The following BPNT2 variants were observed in gnomAD, a reference collection of about 807,000 sequenced individuals.
BPNT2 encodes the protein 3'(2'), 5'-bisphosphate nucleotidase 2.
Under a neutral mutation model 29.3 loss-of-function variants are expected in BPNT2, and 11 were observed. The observed-to-expected ratio is 0.38, with a 90% CI of 0.24 to 0.62. BPNT2 has a LOEUF of 0.62. BPNT2 is among the 20% of genes least tolerant of loss of function. The pLI is 0.62. For synonymous variants in BPNT2, 195 were observed against 187.7 expected (o/e 1.04, Z -0.32); for missense variants, 459 against 473.4 (o/e 0.97, Z 0.28).
intron 1 of BPNT2, among the ~76,000 whole-genome samples, chr8:56,990,829 C>T (rs1320002557): frequency 6.6e-6 from 1 of 152,122 alleles, no homozygotes; most frequent in Non-Finnish European, 1.5e-5. Flanking sequence ...GAGGAGTGAA[C>T]ATTACATACG....
intron 1 of BPNT2, among the ~76,000 whole-genome samples, chr8:56,983,056 G>C (rs1806270298): frequency 6.6e-6 from 1 of 152,160 alleles, no homozygotes. Flanking sequence ...AGACCGATTA[G>C]TGGTTGCCTG....
chr8:56,988,270 C>G (rs1806356760), intron 1 of BPNT2, among the ~76,000 whole-genome samples: 1 of 152,170 alleles, frequency 6.6e-6, no homozygotes, highest in Non-Finnish European at 1.5e-5. Context: ...CCCAATTTCT[C>G]ACAAAACTTG....
At chr8:56,973,146 T>C (rs1806065740) in intron 3 of BPNT2, among the ~76,000 whole-genome samples, 1 of 152,218 alleles carries the variant, frequency 6.6e-6, no homozygotes, top group Non-Finnish European at 1.5e-5. Context: ...AGTCTGAAAG[T>C]ACTTTGCCAG....
At position 56,974,546 on chromosome 8, in the gene BPNT2, G is replaced by A. The variant is rs117347647; in HGVS notation, c.646+3504C>T. On this transcript the variant is annotated intron_variant, in intron 3 of 4. Coordinates refer to ENST00000262644, the MANE Select transcript of BPNT2 (RefSeq NM_017813.5). Reference sequence around the variant, plus strand: ...GGTATTCCTCCAACATCAACATACCGTCTGGATCTGAAAATAACATTCCAG... The same window carrying A: ...GGTATTCCTCCAACATCAACATACCATCTGGATCTGAAAATAACATTCCAG... 9.9e-5 allele frequency among the ~76,000 whole-genome samples: 15 copies of A among 152,180 alleles called. No individual in the cohort carries two copies. The East Asian group carries it at 2.1e-3, about 22-fold the overall frequency.
chr8:56,993,108 A>T (rs1319599273), intron 1 of BPNT2, 91 bp downstream of exon 1: 1 of 1,531,136 alleles, frequency 6.5e-7, no homozygotes, highest in Non-Finnish European at 8.8e-7. Flanking sequence ...TACAAAATGG[A>T]ACCAGAAGCT....
chr8:56,964,271 T>A (rs544424568), intron 4 of BPNT2: 2 of 482,866 alleles, frequency 4.1e-6, no homozygotes, highest in African/African-American at 3.9e-5. Flanking sequence ...CAAAAATACA[T>A]TGCAAAGTAA....
chr8:56,979,647 C>T (rs1158687439), intron 2 of BPNT2, among the ~76,000 whole-genome samples: 1 of 152,040 alleles, frequency 6.6e-6, no homozygotes, highest in African/African-American at 2.4e-5. Flanking sequence ...AAATTAGCTA[C>T]CTGTGGGTAA....
At chr8:56,976,692 T>C (rs1452909422) in intron 3 of BPNT2, among the ~76,000 whole-genome samples, 1 of 152,156 alleles carries the variant, frequency 6.6e-6, no homozygotes, top group Non-Finnish European at 1.5e-5. Context: ...GCAAAACAAA[T>C]ACATAATTTT....
chr8:56,988,928 T>C (rs964465863), intron 1 of BPNT2, among the ~76,000 whole-genome samples: 5 of 152,156 alleles, frequency 3.3e-5, no homozygotes, highest in Non-Finnish European at 5.9e-5. Flanking sequence ...TACATCTATC[T>C]TCTCTACAAC....
chr8:56,987,225 C>T (rs112625600), intron 1 of BPNT2, among the ~76,000 whole-genome samples: 3 of 152,314 alleles, frequency 2.0e-5, no homozygotes, highest in Non-Finnish European at 4.4e-5. Context: ...CCTAACCTCA[C>T]ACAGTGCCTA....
chr8:56,986,194 T>A (rs1806324712), intron 1 of BPNT2, among the ~76,000 whole-genome samples: 1 of 152,124 alleles, frequency 6.6e-6, no homozygotes, highest in East Asian at 1.9e-4. Context: ...TGTGAATCAA[T>A]TTAATTTGAG....
intron 1 of BPNT2, among the ~76,000 whole-genome samples, chr8:56,989,104 A>T (rs1806370789): frequency 6.6e-6 from 1 of 152,172 alleles, no homozygotes; most frequent in Admixed American, 6.5e-5. Context: ...TACATCTGCT[A>T]TACCGCCTTA....
At position 56,960,351 on chromosome 8, in the gene BPNT2, T is replaced by C. The variant is rs1805812099; in HGVS notation, c.*3442A>G. The C allele has an allele frequency of 1.3e-5, 2 of 152,158 alleles. No homozygotes were observed. Among genetic ancestry groups the C allele is most frequent in the Admixed American group, 6.5e-5 (1 of 15,270 alleles). 9.4% of individuals were successfully genotyped at this position (152,158 alleles called of 1,614,324 possible). On this transcript the variant is annotated 3_prime_UTR_variant, in exon 5 of 5. Transcript: ENST00000262644. ...AGATGTCTGCTTTGCATCCTCCCTG[T>C]TACCCTTCTCCTGACCTCCCTCTAG...
intron 1 of BPNT2, among the ~76,000 whole-genome samples, chr8:56,983,391 T>C (rs1806276878): frequency 6.6e-6 from 1 of 151,730 alleles, no homozygotes; most frequent in South Asian, 2.1e-4. Context: ...GATCCTAAGG[T>C]GGGAATGTGC....
chr8:56,964,071 G>C lies in BPNT2; in HGVS notation c.809-7C>G. Reference sequence around the variant, plus strand: ...AGTGCTAAAACTTTATAACCTAAAAGATAAACAAAGAATTTAGGTTATTAT... The same window carrying C: ...AGTGCTAAAACTTTATAACCTAAAACATAAACAAAGAATTTAGGTTATTAT... On this transcript the variant is annotated splice_region_variant and splice_polypyrimidine_tract_variant and intron_variant, in intron 4 of 4. Coordinates refer to ENST00000262644, the MANE Select transcript of BPNT2 (RefSeq NM_017813.5). 1 of 1,560,766 alleles carries C rather than the reference G, an allele frequency of 6.4e-7. No homozygotes were observed. Among genetic ancestry groups the C allele is most frequent in the Non-Finnish European group, 8.7e-7 (1 of 1,146,584 alleles).
At chr8:56,980,650 G>A (rs1806223966) in intron 1 of BPNT2, among the ~76,000 whole-genome samples, 1 of 148,940 alleles carries the variant, frequency 6.7e-6, no homozygotes. Flanking sequence ...TTTAACTAAG[G>A]AACAAAATTA....
At position 56,988,868 on chromosome 8, in the gene BPNT2, T is replaced by C. The variant is rs116977065; in HGVS notation, c.387+4331A>G. 7.9e-5 allele frequency among the ~76,000 whole-genome samples: 12 copies of C among 152,340 alleles called. No homozygotes were observed. The East Asian group carries it at 2.3e-3, about 29-fold the overall frequency. On this transcript the variant is annotated intron_variant, in intron 1 of 4. Coordinates refer to ENST00000262644, the MANE Select transcript of BPNT2 (RefSeq NM_017813.5). ...GCAACAAAACCCCAATTGTGAAAGC[T>C]ACAGAGGAGTTATTTTTGACATATC...
intron 2 of BPNT2, among the ~76,000 whole-genome samples, chr8:56,979,084 ATT>A (rs1278429751): frequency 6.6e-6 from 1 of 152,178 alleles, no homozygotes; most frequent in African/African-American, 2.4e-5. Context: ...ACCCTTTTAT[ATT>A]ATAAAAATCA....
intron 2 of BPNT2, among the ~76,000 whole-genome samples, 155 bp downstream of exon 2, chr8:56,979,880 T>C (rs1256530267): frequency 6.6e-6 from 1 of 152,196 alleles, no homozygotes; most frequent in Non-Finnish European, 1.5e-5. Context: ...TCTTCAATTA[T>C]AGGTGTCCAA....
Sources: allele counts gnomAD v4.1 joint callset (sites outside exome capture counted in the v4.1 genomes callset), GRCh38; gene constraint gnomAD v4.1.1; transcripts MANE v1.5; gene names NCBI Gene and HGNC (gene_info 2026-07-23, HGNC 2026-07-21).